The following TSHZ2 variants were observed in gnomAD, a reference collection of about 807,000 sequenced individuals.
TSHZ2 encodes teashirt homolog 2.
In TSHZ2, 21 loss-of-function variants were observed where a neutral mutation model predicts 74.4. The observed-to-expected ratio is 0.28, with a 90% confidence interval of 0.20 to 0.41. The LOEUF (loss-of-function observed/expected upper bound fraction) is 0.41. Among genes scored for constraint, TSHZ2 ranks in the 10% least tolerant of loss-of-function variants. TSHZ2 has a pLI of 1.00. For synonymous variants in TSHZ2, 540 were observed against 515.3 expected, an observed-to-expected ratio of 1.05 and a Z score of -0.65; for missense variants, 1,244 against 1,293.5, an observed-to-expected ratio of 0.96 and a Z score of 0.59.
At chr20:53,165,304 C>G (rs983558611) in intron 1 of TSHZ2, among the ~76,000 whole-genome samples, 1 of 152,216 alleles carries the variant, frequency 6.6e-6, no homozygotes, top group African/African-American at 2.4e-5. Context: ...GATGAGGAAA[C>G]TGAGGAAATA....
chr20:53,139,856 G>T (rs922577249), intron 1 of TSHZ2, among the ~76,000 whole-genome samples: 4 of 152,248 alleles, frequency 2.6e-5, no homozygotes, highest in South Asian at 2.1e-4. Flanking sequence ...AGTGATAGCT[G>T]CCCTAAGAAG....
At chr20:53,176,788 G>A (rs567250079) in intron 1 of TSHZ2, among the ~76,000 whole-genome samples, 42 of 151,436 alleles carry the variant, frequency 2.8e-4, no homozygotes, top group African/African-American at 8.7e-4. Flanking sequence ...CTGAGTTCAA[G>A]CGATCCTCCT....
chr20:53,484,374 A>G (rs1600674447), intron 2 of TSHZ2, among the ~76,000 whole-genome samples: 1 of 129,600 alleles, frequency 7.7e-6, no homozygotes, highest in Non-Finnish European at 1.6e-5. Context: ...ACTTACTTTT[A>G]TCTCTCTCTT....
intron 2 of TSHZ2, among the ~76,000 whole-genome samples, chr20:53,317,942 G>A (rs1290261300): frequency 6.6e-6 from 1 of 152,214 alleles, no homozygotes; most frequent in Non-Finnish European, 1.5e-5. Context: ...ACAAGTCTGT[G>A]AGGAAAGATG....
intron 1 of TSHZ2, among the ~76,000 whole-genome samples, chr20:52,998,173 C>T (rs1982276336): frequency 6.8e-6 from 1 of 146,928 alleles, no homozygotes; most frequent in East Asian, 1.9e-4. Flanking sequence ...GCTGTGCCTT[C>T]TTCTTTTTTT....
intron 1 of TSHZ2, among the ~76,000 whole-genome samples, chr20:53,105,871 G>T (rs556447185): frequency 2.0e-5 from 3 of 151,952 alleles, no homozygotes; most frequent in African/African-American, 7.3e-5. Flanking sequence ...GGTCTCGAAC[G>T]ATCCTGGGCT....
intron 1 of TSHZ2, among the ~76,000 whole-genome samples, chr20:53,118,086 G>A (rs371384057): frequency 6.6e-5 from 10 of 152,154 alleles, no homozygotes; most frequent in East Asian, 1.9e-4. Context: ...CTGTTTGATC[G>A]GCATGCTTAG....
At chr20:53,310,371 A>G (rs533050702) in intron 2 of TSHZ2, among the ~76,000 whole-genome samples, 45 of 152,328 alleles carry the variant, frequency 3.0e-4, no homozygotes, top group African/African-American at 1.0e-3. Context: ...GTGTCACCTA[A>G]TTCTGAATAA....
chr20:53,409,288 A>T (rs1982961724), intron 2 of TSHZ2, among the ~76,000 whole-genome samples: 3 of 152,148 alleles, frequency 2.0e-5, no homozygotes, highest in Non-Finnish European at 4.4e-5. Flanking sequence ...TATCTTTCTA[A>T]ACAGTTGGCG....
chr20:53,409,807 T>TCAGAATTCA (rs1376529900), intron 2 of TSHZ2, among the ~76,000 whole-genome samples: 1 of 151,028 alleles, frequency 6.6e-6, no homozygotes, highest in Admixed American at 6.6e-5. Context: ...AAAAAGGTCT[T>TCAGAATTCA]CAGAATTCAC....
At position 53,297,103 on chromosome 20, in the gene TSHZ2, A is replaced by G. The variant is rs530588190; in HGVS notation, c.*8+40532A>G. ...AAGTCATATCACCTTATTCCAAGTT[A>G]TTATAGTCTTGTAATCTCTAACTGC... On this transcript the variant is annotated intron_variant, in intron 2 of 2. Transcript: ENST00000371497. Among the ~76,000 whole-genome samples, 58 of 151,972 alleles carry G rather than the reference A, an allele frequency of 3.8e-4. No homozygotes were observed. The South Asian group carries it at 0.012, about 31-fold the overall frequency.
chr20:53,431,740 T>C (rs375158222), intron 2 of TSHZ2, among the ~76,000 whole-genome samples: 4 of 152,228 alleles, frequency 2.6e-5, no homozygotes, highest in African/African-American at 9.6e-5. Context: ...GATGGGAATG[T>C]GTGATTTATT....
chr20:53,361,121 G>A (rs1158935018), intron 2 of TSHZ2, among the ~76,000 whole-genome samples: 1 of 152,140 alleles, frequency 6.6e-6, no homozygotes, highest in African/African-American at 2.4e-5. Flanking sequence ...CATCCTCTCT[G>A]TCAACACTGA....
chr20:53,125,474 ACATGGCAAGCACTTTCTGGTTG>A (rs1986922932), intron 1 of TSHZ2, among the ~76,000 whole-genome samples: 1 of 152,192 alleles, frequency 6.6e-6, no homozygotes, highest in Non-Finnish European at 1.5e-5. Flanking sequence ...ATTGCCTGGC[ACATGGCAAGCACTTTCTGGTTG>A]CTCGCTGTAT....
chr20:53,415,182 G>A (rs1983194077), intron 2 of TSHZ2, among the ~76,000 whole-genome samples: 1 of 151,946 alleles, frequency 6.6e-6, no homozygotes, highest in Non-Finnish European at 1.5e-5. Context: ...CTCCATTATT[G>A]AAAACCCTTA....
chr20:53,306,445 G>T (rs1000292525), intron 2 of TSHZ2, among the ~76,000 whole-genome samples: 17 of 152,158 alleles, frequency 1.1e-4, no homozygotes, highest in Non-Finnish European at 2.4e-4. Context: ...GTTTGCTCTA[G>T]AATTAGCCAC....
At chr20:53,307,866 C>G (rs1242767132) in intron 2 of TSHZ2, among the ~76,000 whole-genome samples, 2 of 152,122 alleles carry the variant, frequency 1.3e-5, no homozygotes, top group African/African-American at 4.8e-5. Context: ...AGGTCCTTTA[C>G]CCCAACTCAG....
chr20:53,172,767 C>A (rs1044944833), intron 1 of TSHZ2, among the ~76,000 whole-genome samples: 1 of 152,190 alleles, frequency 6.6e-6, no homozygotes, highest in East Asian at 1.9e-4. Context: ...AAGCCAGGAT[C>A]TGTGCCTTGG....
At chr20:53,380,442 T>C (rs1204061549) in intron 2 of TSHZ2, among the ~76,000 whole-genome samples, 3 of 152,220 alleles carry the variant, frequency 2.0e-5, no homozygotes, top group Non-Finnish European at 2.9e-5. Context: ...AAGGAAATAA[T>C]TGAACATAGG....
Sources: gnomAD v4.1 joint callset for allele counts (sites outside exome capture counted in the v4.1 genomes callset) on GRCh38, gnomAD v4.1.1 for gene constraint, MANE v1.5 for transcripts, NCBI Gene and HGNC (gene_info 2026-07-23, HGNC 2026-07-21) for gene names.